Variants in DDAH1 observed in about 807,000 individuals in gnomAD.
DDAH1 encodes the protein dimethylarginine dimethylaminohydrolase 1.
DDAH1 carries 19 observed loss-of-function variants against 28.8 expected under a neutral mutation model. The observed-to-expected ratio is 0.66, with a 90% CI of 0.46 to 0.97. The LOEUF is 0.97. Among genes scored for constraint, DDAH1 ranks in the 50% least tolerant of loss-of-function variants. The pLI is 0.00. For missense variants in DDAH1, 326 were observed against 375.9 expected (o/e 0.87, Z 1.10); for synonymous variants, 153 against 154.4 (o/e 0.99, Z 0.07).
At chr1:85,414,896 A>G (rs189472994) in intron 1 of DDAH1, among the ~76,000 whole-genome samples, 127 of 152,370 alleles carry the variant, frequency 8.3e-4, no homozygotes, top group Non-Finnish European at 1.4e-3. Flanking sequence ...AGGGAAAGAA[A>G]AATGAAAACC....
chr1:85,536,485 G>A (rs1296385083), intron 1 of DDAH1, among the ~76,000 whole-genome samples: 5 of 151,980 alleles, frequency 3.3e-5, no homozygotes, highest in South Asian at 2.1e-4. Flanking sequence ...CCCGGGAGGC[G>A]AAGGTTGCAG....
intron 1 of DDAH1, among the ~76,000 whole-genome samples, chr1:85,548,633 G>A (rs1399951530): frequency 6.6e-6 from 1 of 152,146 alleles, no homozygotes; most frequent in East Asian, 1.9e-4. Flanking sequence ...AGAAGTAAGG[G>A]ATTCAACTGG....
chr1:85,548,742 A>T (rs1305460388), intron 1 of DDAH1, among the ~76,000 whole-genome samples: 2 of 152,194 alleles, frequency 1.3e-5, no homozygotes, highest in East Asian at 1.9e-4. Flanking sequence ...GTCTTAAGAG[A>T]TGCTTCACAG....
chr1:85,334,350 G>T (rs1468340842), intron 4 of DDAH1, among the ~76,000 whole-genome samples: 1 of 152,060 alleles, frequency 6.6e-6, no homozygotes, highest in Non-Finnish European at 1.5e-5. Context: ...CTTTAAAGCA[G>T]TATGAAAACG....
At chr1:85,397,455 G>GA (rs1423028111) in intron 1 of DDAH1, among the ~76,000 whole-genome samples, 1 of 152,096 alleles carries the variant, frequency 6.6e-6, no homozygotes, top group African/African-American at 2.4e-5. Flanking sequence ...AACTGATAAG[G>GA]AAAAAGTAAG....
At chr1:85,475,070 G>A (rs900389804) in intron 2 of DDAH1, among the ~76,000 whole-genome samples, 11 of 152,108 alleles carry the variant, frequency 7.2e-5, no homozygotes, top group Admixed American at 2.0e-4. Context: ...TATGTTCTTC[G>A]TCTCCCTTCT....
chr1:85,445,344 G>A (rs1193664861), intron 1 of DDAH1, among the ~76,000 whole-genome samples: 1 of 152,032 alleles, frequency 6.6e-6, no homozygotes, highest in African/African-American at 2.4e-5. Context: ...ATGAATTCAG[G>A]AGTTTTAAGC....
chr1:85,433,672 A>C (rs1653807968), intron 1 of DDAH1, among the ~76,000 whole-genome samples: 2 of 152,242 alleles, frequency 1.3e-5, no homozygotes, highest in Non-Finnish European at 2.9e-5. Context: ...TTCCTTCATA[A>C]GGACATCATT....
At chr1:85,496,629 T>C (rs1656604637) in intron 1 of DDAH1, among the ~76,000 whole-genome samples, 1 of 152,172 alleles carries the variant, frequency 6.6e-6, no homozygotes, top group Non-Finnish European at 1.5e-5. Flanking sequence ...CCTTTCCAGT[T>C]CCAATTTTTA....
rs188229542 is a variant in DDAH1, at chr1:85,320,599, C to G, written c.*853G>C. 6.6e-6 allele frequency: 1 copy of G among 152,134 alleles called. No homozygotes were observed. Among genetic ancestry groups the G allele is most frequent in the Non-Finnish European group, 1.5e-5 (1 of 68,008 alleles). The allele number at this position is 152,134 out of a possible 1,614,324, so 9.4% of individuals were successfully genotyped here. A position where few individuals can be genotyped will look rare whatever the true frequency, so the allele number is the denominator to read the frequency against. ...TCATGGTATGTGACTTAAAGACTTT[C>G]TAAGACATTGTACCCATGGGATGTT... On this transcript the variant is annotated 3_prime_UTR_variant, in exon 6 of 6. Transcript: ENST00000284031.
At chr1:85,454,463 G>A (rs1654795730) in intron 1 of DDAH1, among the ~76,000 whole-genome samples, 1 of 152,162 alleles carries the variant, frequency 6.6e-6, no homozygotes, top group Non-Finnish European at 1.5e-5. Flanking sequence ...TGATTCCCAG[G>A]ACCCAACTGG....
intron 1 of DDAH1, among the ~76,000 whole-genome samples, chr1:85,360,689 A>G (rs2100862325): frequency 6.6e-6 from 1 of 152,356 alleles, no homozygotes; most frequent in African/African-American, 2.4e-5. Context: ...TAACTATGCA[A>G]CATTTCAACT....
At chr1:85,422,063 T>G (rs1340026757) in intron 1 of DDAH1, among the ~76,000 whole-genome samples, 3 of 150,766 alleles carry the variant, frequency 2.0e-5, no homozygotes, top group Non-Finnish European at 4.4e-5. Flanking sequence ...TCTGTATCCT[T>G]GCCAAGCGAT....
intron 1 of DDAH1, among the ~76,000 whole-genome samples, chr1:85,543,890 G>C (rs1658543601): frequency 6.6e-6 from 1 of 152,180 alleles, no homozygotes; most frequent in Non-Finnish European, 1.5e-5. Context: ...ATGTCAGCCA[G>C]TATTTCATGG....
At chr1:85,357,657 C>T (rs906711321) in intron 2 of DDAH1, among the ~76,000 whole-genome samples, 3 of 152,194 alleles carry the variant, frequency 2.0e-5, no homozygotes, top group African/African-American at 7.2e-5. Flanking sequence ...TCCCAAGTCC[C>T]TGAGGACCAG....
At chr1:85,560,847 T>C (rs1659117344) in intron 1 of DDAH1, among the ~76,000 whole-genome samples, 1 of 152,150 alleles carries the variant, frequency 6.6e-6, no homozygotes, top group South Asian at 2.1e-4. Context: ...CTAATTAATA[T>C]TAATGTATAA....
chr1:85,558,837 A>AT (rs1476471446), intron 1 of DDAH1, among the ~76,000 whole-genome samples: 1 of 152,100 alleles, frequency 6.6e-6, no homozygotes, highest in African/African-American at 2.4e-5. Context: ...TGTACATAGA[A>AT]TTTTTTGCTC....
chr1:85,357,869 ACT>A (rs1649571539), intron 2 of DDAH1, among the ~76,000 whole-genome samples: 1 of 152,256 alleles, frequency 6.6e-6, no homozygotes, highest in African/African-American at 2.4e-5. Context: ...TGCTAAAATT[ACT>A]GTTTCTTTAG....
At chr1:85,466,070 G>A (rs1472580755), upstream of DDAH1, among the ~76,000 whole-genome samples, 1 of 152,178 alleles carries the variant, frequency 6.6e-6, no homozygotes, top group Non-Finnish European at 1.5e-5. Flanking sequence ...CCAGAACTCT[G>A]ATCCCAGCTT....
Sources: allele counts gnomAD v4.1 joint callset (sites outside exome capture counted in the v4.1 genomes callset), GRCh38; gene constraint gnomAD v4.1.1; transcripts MANE v1.5; gene names NCBI Gene and HGNC (gene_info 2026-07-23, HGNC 2026-07-21).